The following PHF24 variants were observed in gnomAD, a reference collection of about 807,000 sequenced individuals.
The protein encoded by PHF24 is PHD finger protein 24.
In PHF24, 25 loss-of-function variants were observed where a neutral mutation model predicts 42.6. That is an observed-to-expected ratio of 0.59 (90% CI 0.43 to 0.82). PHF24 has a LOEUF of 0.82. Among genes scored for constraint, PHF24 ranks in the 40% least tolerant of loss-of-function variants. The pLI, the probability that PHF24 is intolerant of heterozygous loss-of-function variation, is 0.00. For synonymous variants in PHF24, 185 were observed against 204.8 expected, an observed-to-expected ratio of 0.90 and a Z score of 0.83; for missense variants, 470 against 538.1, an observed-to-expected ratio of 0.87 and a Z score of 1.25.
At chr9:34,815,935 G>T in the PHF24 span, among the ~76,000 whole-genome samples, 46,091 of 151,920 alleles carry the variant, frequency 0.3, 7,816 homozygotes, top group East Asian at 0.55. Context: ...ACTATTTGAT[G>T]AACTAGAGCT....
At chr9:34,826,377 C>T in the PHF24 span, among the ~76,000 whole-genome samples, 4 of 152,216 alleles carry the variant, frequency 2.6e-5, no homozygotes, top group Admixed American at 6.5e-5. Flanking sequence ...CCATCTATGG[C>T]AGGCCTGGCC....
the PHF24 span, among the ~76,000 whole-genome samples, chr9:34,752,624 C>T: frequency 6.6e-6 from 1 of 152,094 alleles, no homozygotes; most frequent in Non-Finnish European, 1.5e-5. Flanking sequence ...AGAACTAATA[C>T]CAATCCTACT....
At chr9:34,678,662 G>A in the PHF24 span, among the ~76,000 whole-genome samples, 1 of 151,030 alleles carries the variant, frequency 6.6e-6, no homozygotes, top group Non-Finnish European at 1.5e-5. Context: ...ACAGAGTCTT[G>A]CTCTGTCACC....
chr9:34,692,549 C>T, the PHF24 span, among the ~76,000 whole-genome samples: 8 of 152,044 alleles, frequency 5.3e-5, no homozygotes, highest in Admixed American at 4.6e-4. Flanking sequence ...CGGGTAGTCA[C>T]GGTGCAGAGG....
At chr9:34,836,031 C>T in the PHF24 span, 1 of 636,400 alleles carries the variant, frequency 1.6e-6, no homozygotes, top group South Asian at 1.5e-5. Flanking sequence ...GCACACTTCC[C>T]TCTGGGGGAA....
the PHF24 span, among the ~76,000 whole-genome samples, chr9:34,845,033 A>G: frequency 5.3e-5 from 8 of 152,182 alleles, no homozygotes; most frequent in East Asian, 1.9e-4. Flanking sequence ...TATATTTACA[A>G]TGATTATATC....
chr9:34,819,079 G>A, the PHF24 span, among the ~76,000 whole-genome samples: 1 of 151,880 alleles, frequency 6.6e-6, no homozygotes, highest in Non-Finnish European at 1.5e-5. Context: ...AAATTTGTTG[G>A]CATAAAGTTA....
chr9:34,971,531 C>T (rs955102610), exon 2 of PHF24: 11 of 1,614,026 alleles, frequency 6.8e-6, no homozygotes, highest in Non-Finnish European at 7.6e-6. Flanking sequence ...GGCCGCGCAG[C>T]CTGGGAGCGG....
At chr9:34,950,404 C>T in the PHF24 span, among the ~76,000 whole-genome samples, 1 of 146,354 alleles carries the variant, frequency 6.8e-6, no homozygotes, top group Non-Finnish European at 1.5e-5. Flanking sequence ...TCTTGGACCA[C>T]AATGGAATAA....
chr9:34,777,908 C>T, the PHF24 span, among the ~76,000 whole-genome samples: 1 of 152,170 alleles, frequency 6.6e-6, no homozygotes, highest in African/African-American at 2.4e-5. Flanking sequence ...TTTTAGGGCC[C>T]ACAAGGGTCA....
At chr9:34,829,042 TG>T in the PHF24 span, among the ~76,000 whole-genome samples, 1 of 151,966 alleles carries the variant, frequency 6.6e-6, no homozygotes, top group African/African-American at 2.4e-5. Context: ...CAGGATAAAA[TG>T]GGGGACGTTA....
At chr9:34,883,963 C>T in the PHF24 span, among the ~76,000 whole-genome samples, 1 of 152,196 alleles carries the variant, frequency 6.6e-6, no homozygotes, top group African/African-American at 2.4e-5. Context: ...TTGGAACCAG[C>T]CCAAATGTCC....
chr9:34,923,779 CATTG>C, the PHF24 span, among the ~76,000 whole-genome samples: 1 of 151,852 alleles, frequency 6.6e-6, no homozygotes, highest in Non-Finnish European at 1.5e-5. Context: ...TTTTTCATTT[CATTG>C]ATTTTTTATA....
chr9:34,785,465 A>G, the PHF24 span, among the ~76,000 whole-genome samples: 8 of 152,344 alleles, frequency 5.3e-5, no homozygotes, highest in Middle Eastern at 3.4e-3. Flanking sequence ...ATTTTAGACT[A>G]CCAAAGTATT....
the PHF24 span, among the ~76,000 whole-genome samples, chr9:34,679,610 G>C: frequency 6.6e-6 from 1 of 152,196 alleles, no homozygotes; most frequent in East Asian, 1.9e-4. Context: ...AGCTACTCAG[G>C]AGGCTGAGGC....
At chr9:34,711,249 CTTT>C in the PHF24 span, among the ~76,000 whole-genome samples, 15 of 141,854 alleles carry the variant, frequency 1.1e-4, no homozygotes, top group Non-Finnish European at 1.1e-4. Flanking sequence ...TAGCTTTTAT[CTTT>C]TTTTTTTTTT....
At chr9:34,882,895 C>T in the PHF24 span, among the ~76,000 whole-genome samples, 2 of 152,156 alleles carry the variant, frequency 1.3e-5, no homozygotes, top group African/African-American at 4.8e-5. Context: ...AAGAAGGGCC[C>T]ACATTGCCAA....
the PHF24 span, among the ~76,000 whole-genome samples, chr9:34,827,161 T>G: frequency 6.6e-6 from 1 of 152,158 alleles, no homozygotes; most frequent in Non-Finnish European, 1.5e-5. Flanking sequence ...AACCAGGATG[T>G]GTGCATGCTA....
At chr9:34,868,358 G>A in the PHF24 span, among the ~76,000 whole-genome samples, 1 of 152,206 alleles carries the variant, frequency 6.6e-6, no homozygotes, top group Non-Finnish European at 1.5e-5. Context: ...CTCTGTGGAA[G>A]GCAGTGAGAA....
Sources: gnomAD v4.1 joint callset for allele counts (sites outside exome capture counted in the v4.1 genomes callset) on GRCh38, gnomAD v4.1.1 for gene constraint, MANE v1.5 for transcripts, NCBI Gene and HGNC (gene_info 2026-07-23, HGNC 2026-07-21) for gene names.